Variants in EYS observed in about 807,000 individuals in gnomAD.
The protein encoded by EYS is EGF-like photoreceptor maintenance factor, also known as protein eyes shut homolog.
Under a neutral mutation model 282.1 loss-of-function variants are expected in EYS, and 250 were observed. That is an observed-to-expected ratio of 0.89 (90% CI 0.80 to 0.98). EYS has a LOEUF of 0.98. EYS is among the 50% of genes least tolerant of loss of function. EYS has a pLI of 0.00. For missense variants in EYS, 4,016 were observed against 3,709.0 expected, an observed-to-expected ratio of 1.08 and a Z score of -2.15; for synonymous variants, 1,355 against 1,282.9, an observed-to-expected ratio of 1.06 and a Z score of -1.20.
intron 5 of EYS, among the ~76,000 whole-genome samples, chr6:65,480,951 G>T (rs1765584813): frequency 6.6e-6 from 1 of 152,158 alleles, no homozygotes; most frequent in Non-Finnish European, 1.5e-5. Context: ...AGTATTAGAT[G>T]CTGGGAAGGG....
At chr6:63,956,630 C>G (rs1765836293) in intron 35 of EYS, among the ~76,000 whole-genome samples, 2 of 152,092 alleles carry the variant, frequency 1.3e-5, no homozygotes, top group African/African-American at 4.8e-5. Flanking sequence ...CTTTATAAGA[C>G]ACAAGTGCAA....
chr6:63,881,950 G>A (rs1773144083), intron 35 of EYS, among the ~76,000 whole-genome samples: 1 of 152,116 alleles, frequency 6.6e-6, no homozygotes, highest in South Asian at 2.1e-4. Context: ...CTATTCTATA[G>A]GATTTTTAAA....
intron 1 of EYS, among the ~76,000 whole-genome samples, chr6:65,656,178 C>T (rs1452450210): frequency 1.3e-5 from 2 of 151,816 alleles, no homozygotes; most frequent in East Asian, 1.9e-4. Flanking sequence ...TCCCCGTCTC[C>T]TCAGTCTCTC....
Position 65,642,511 on chromosome 6 carries a change from C to T in EYS, c.-447-2619G>A, listed in dbSNP as rs530929504. 2.8e-5 allele frequency among the ~76,000 whole-genome samples: 4 copies of T among 142,922 alleles called. No individual in the cohort carries two copies. In the South Asian group the frequency reaches 7.1e-4, roughly 25 times the overall value. 93.8% of individuals were successfully genotyped at this position (142,922 alleles called of 152,430 possible). On this transcript the variant is annotated intron_variant, in intron 1 of 42. Transcript: ENST00000503581. The stretch of plus-strand genomic sequence containing the variant: ...AGACTTTTAAAATTGGGCTACAATT[C>T]TTCAAGAAAGCCAATCATTTTATTT...
At chr6:64,406,110 A>G (rs1473749662) in intron 28 of EYS, among the ~76,000 whole-genome samples, 7 of 152,222 alleles carry the variant, frequency 4.6e-5, no homozygotes, top group African/African-American at 1.7e-4. Flanking sequence ...AGCAAAACAG[A>G]TATGTATAGA....
chr6:65,527,208 A>G (rs1373469511), intron 2 of EYS, among the ~76,000 whole-genome samples: 2 of 152,126 alleles, frequency 1.3e-5, no homozygotes, highest in Non-Finnish European at 2.9e-5. Flanking sequence ...ATTCTGGTTA[A>G]CCCCAAGTAA....
At chr6:64,647,122 T>C (rs1768382374) in intron 22 of EYS, among the ~76,000 whole-genome samples, 1 of 152,168 alleles carries the variant, frequency 6.6e-6, no homozygotes, top group Non-Finnish European at 1.5e-5. Context: ...AATTTAATAC[T>C]GAAGTAACTG....
In EYS at chr6:64,382,784, C is replaced by T. The variant is rs1017863232; in HGVS notation, c.6078+5906G>A. 8.5e-5 allele frequency among the ~76,000 whole-genome samples: 13 copies of T among 152,086 alleles called. No homozygotes were observed. The South Asian group carries it at 1.2e-3, about 15-fold the overall frequency. On this transcript the variant is annotated intron_variant, in intron 29 of 42. Transcript: ENST00000503581. ...AGACAGATCCAGGGACAGGCCCTTC[C>T]GGACTATTGGCACTCAAGAGTTTTA...
intron 31 of EYS, among the ~76,000 whole-genome samples, chr6:64,104,004 A>G (rs1206172620): frequency 2.0e-5 from 3 of 152,110 alleles, no homozygotes; most frequent in African/African-American, 7.2e-5. Flanking sequence ...CAGAAATGAA[A>G]ATGGGAAACC....
chr6:65,402,706 C>T, intron 6 of EYS, 101 bp from the exon 7 acceptor site: 1 of 775,442 alleles, frequency 1.3e-6, no homozygotes, highest in Non-Finnish European at 2.1e-6. Context: ...TTTTCATGAA[C>T]TTGGAGTAGA....
chr6:65,495,756 C>G (rs1391588482), intron 3 of EYS, 103 bp downstream of exon 3: 1 of 329,624 alleles, frequency 3.0e-6, no homozygotes, highest in Non-Finnish European at 5.6e-6. Flanking sequence ...GGAAAGAAGG[C>G]CAAGAAAAAC....
intron 14 of EYS, among the ~76,000 whole-genome samples, chr6:64,965,498 C>A (rs1770063105): frequency 6.6e-6 from 1 of 151,786 alleles, no homozygotes; most frequent in East Asian, 1.9e-4. Flanking sequence ...ATTGAAGAAT[C>A]ATATAAATGA....
chr6:65,427,297 T>A (rs1362774488), intron 5 of EYS, among the ~76,000 whole-genome samples: 1 of 152,068 alleles, frequency 6.6e-6, no homozygotes, highest in Non-Finnish European at 1.5e-5. Flanking sequence ...ATTAAAATTA[T>A]AGATCAAGTT....
chr6:65,256,060 A>T (rs1767451770), intron 12 of EYS, among the ~76,000 whole-genome samples: 1 of 152,076 alleles, frequency 6.6e-6, no homozygotes, highest in African/African-American at 2.4e-5. Context: ...TGCTGCTTGC[A>T]GCACTAATGA....
chr6:64,950,832 T>TATATATATATATATAA (rs1310289103), intron 14 of EYS, among the ~76,000 whole-genome samples: 61 of 103,020 alleles, frequency 5.9e-4, no homozygotes, highest in East Asian at 1.5e-3. Context: ...TATATATATA[T>TATATATATATATATAA]ATTGTTGAAT....
At chr6:63,799,995 G>A (rs1390245096) in intron 37 of EYS, among the ~76,000 whole-genome samples, 1 of 152,196 alleles carries the variant, frequency 6.6e-6, no homozygotes, top group African/African-American at 2.4e-5. Context: ...AGCTGAGCCT[G>A]GGCGGGGGAG....
At chr6:65,445,365 T>A (rs552179891) in intron 5 of EYS, among the ~76,000 whole-genome samples, 3 of 152,044 alleles carry the variant, frequency 2.0e-5, no homozygotes, top group Non-Finnish European at 4.4e-5. Flanking sequence ...ATAGTATTCA[T>A]CTTTAACAAC....
chr6:63,843,615 G>C (rs1423376436), intron 36 of EYS, among the ~76,000 whole-genome samples: 2 of 152,098 alleles, frequency 1.3e-5, no homozygotes, highest in African/African-American at 4.8e-5. Context: ...AATAATAAGA[G>C]CTATTTATGA....
chr6:64,887,086 A>G (rs966748155), intron 18 of EYS, among the ~76,000 whole-genome samples: 2 of 151,850 alleles, frequency 1.3e-5, no homozygotes, highest in African/African-American at 4.8e-5. Context: ...CTGTAACCTG[A>G]TAAATACTAG....
Sources: allele counts gnomAD v4.1 joint callset (sites outside exome capture counted in the v4.1 genomes callset), GRCh38; gene constraint gnomAD v4.1.1; transcripts MANE v1.5; gene names NCBI Gene and HGNC (gene_info 2026-07-23, HGNC 2026-07-21).